Variants in PCLO observed in about 807,000 individuals in gnomAD.
The protein encoded by PCLO is piccolo presynaptic cytomatrix protein, also known as protein piccolo.
In PCLO, 82 loss-of-function variants were observed where a neutral mutation model predicts 427.5. The ratio of observed to expected loss-of-function variants is 0.19; its 90% CI spans 0.16 to 0.23. PCLO has a LOEUF of 0.23. Among genes scored for constraint, PCLO ranks in the 10% least tolerant of loss-of-function variants. The probability of loss-of-function intolerance (pLI) is 1.00; values close to 1 mark genes in which losing one functional copy is unlikely to be tolerated. For missense variants in PCLO, 6,239 were observed against 6,115.9 expected (o/e 1.02, Z -0.67); for synonymous variants, 2,357 against 2,155.4 (o/e 1.09, Z -2.59).
intron 19 of PCLO, among the ~76,000 whole-genome samples, chr7:82,823,530 T>C (rs1011492778): frequency 2.0e-5 from 3 of 152,212 alleles, no homozygotes; most frequent in Non-Finnish European, 2.9e-5. Context: ...GCTCAGTTTA[T>C]GATGAGGATT....
chr7:82,760,410 T>A (rs990871042), intron 24 of PCLO, among the ~76,000 whole-genome samples: 1 of 151,964 alleles, frequency 6.6e-6, no homozygotes, highest in East Asian at 1.9e-4. Context: ...AAGAAGAATC[T>A]ATGTAAAATA....
intron 6 of PCLO, among the ~76,000 whole-genome samples, chr7:82,928,815 T>C (rs759101129): frequency 4.6e-5 from 7 of 152,186 alleles, no homozygotes; most frequent in African/African-American, 1.4e-4. Context: ...TACAGTGGTA[T>C]GGATACACAT....
intron 8 of PCLO, among the ~76,000 whole-genome samples, chr7:82,905,937 G>A (rs1404371361): frequency 6.6e-6 from 1 of 151,772 alleles, no homozygotes; most frequent in Non-Finnish European, 1.5e-5. Context: ...TAAAAAATAA[G>A]AGATTAGGTT....
chr7:82,848,665 G>T (rs1397645389), intron 10 of PCLO, among the ~76,000 whole-genome samples: 1 of 152,128 alleles, frequency 6.6e-6, no homozygotes, highest in East Asian at 1.9e-4. Context: ...ATTACCTATT[G>T]ATCATCATTG....
intron 10 of PCLO, among the ~76,000 whole-genome samples, chr7:82,865,582 T>TA: frequency 6.6e-6 from 1 of 151,692 alleles, no homozygotes; most frequent in Middle Eastern, 3.4e-3. Flanking sequence ...TGTGTTAATT[T>TA]AAAATAAGAT....
At chr7:82,990,544 A>C (rs1272766350) in intron 3 of PCLO, among the ~76,000 whole-genome samples, 1 of 152,144 alleles carries the variant, frequency 6.6e-6, no homozygotes, top group Non-Finnish European at 1.5e-5. Context: ...ATAGAACTTG[A>C]GTTTGGTTAC....
intron 20 of PCLO, among the ~76,000 whole-genome samples, chr7:82,815,187 G>T (rs1191089540): frequency 6.6e-6 from 1 of 151,660 alleles, no homozygotes; most frequent in Non-Finnish European, 1.5e-5. Flanking sequence ...GTCTATTTTT[G>T]GTTAAAAACG....
intron 3 of PCLO, among the ~76,000 whole-genome samples, chr7:83,005,181 T>C (rs1434177391): frequency 2.0e-5 from 3 of 151,620 alleles, no homozygotes; most frequent in African/African-American, 7.2e-5. Flanking sequence ...ATAAAATTAA[T>C]ATGTCAAAGA....
intron 10 of PCLO, among the ~76,000 whole-genome samples, chr7:82,857,982 A>T (rs1271005619): frequency 6.6e-6 from 1 of 152,182 alleles, no homozygotes; most frequent in African/African-American, 2.4e-5. Flanking sequence ...TAAGGCCAGT[A>T]TTACCCTGAT....
At position 82,950,766 on chromosome 7, in the gene PCLO, CTCT is replaced by C. The variant is rs1326039085; in HGVS notation, c.9819_9821del (p.Glu3274del). 12 of 1,613,724 alleles carry C rather than the reference CTCT, an allele frequency of 7.4e-6. No individual in the cohort carries two copies. The highest frequency in any genetic ancestry group is 2.2e-5 in the East Asian group (1 of 44,846). On this transcript the variant is annotated inframe_deletion, in exon 6 of 25. Coordinates refer to ENST00000333891, the MANE Select transcript of PCLO (RefSeq NM_033026.6). ...GCCTCATCATGAACTGGGCTTGCCG[CTCT>C]TCTTCTTGCTGAAAGAGAAGGTGTT...
intron 3 of PCLO, among the ~76,000 whole-genome samples, chr7:83,020,513 C>T (rs990156674): frequency 6.6e-6 from 1 of 152,136 alleles, no homozygotes; most frequent in Non-Finnish European, 1.5e-5. Context: ...TACTCTCCCA[C>T]TTTCTGCCAT....
intron 22 of PCLO, among the ~76,000 whole-genome samples, chr7:82,796,649 T>A (rs977736182): frequency 6.6e-6 from 1 of 151,736 alleles, no homozygotes; most frequent in South Asian, 2.1e-4. Flanking sequence ...ATATTTTTAT[T>A]GTAATTAGTC....
chr7:82,798,529 G>C (rs1791275959), intron 22 of PCLO, among the ~76,000 whole-genome samples: 1 of 152,016 alleles, frequency 6.6e-6, no homozygotes, highest in South Asian at 2.1e-4. Context: ...ATTTCTACGT[G>C]GACAAAACAA....
chr7:82,764,881 A>G (rs1428695744), intron 22 of PCLO, among the ~76,000 whole-genome samples: 4 of 151,936 alleles, frequency 2.6e-5, no homozygotes, highest in African/African-American at 9.7e-5. Context: ...AAGTGAACTA[A>G]AAAACTAGAT....
chr7:82,836,510 T>C (rs1792236998), intron 15 of PCLO, among the ~76,000 whole-genome samples: 1 of 152,284 alleles, frequency 6.6e-6, no homozygotes, highest in Admixed American at 6.5e-5. Context: ...TATGTGACTA[T>C]TGGTAATCTC....
rs1185370137 is a variant in PCLO at position 82,757,091 on chromosome 7, T to TA, written c.*1483dup. The TA allele has an allele frequency of 6.6e-6, 1 of 152,062 alleles. No individual in the cohort carries two copies. The highest frequency in any genetic ancestry group is 2.4e-5 in the African/African-American group (1 of 41,436). 9.4% of individuals were successfully genotyped at this position (152,062 alleles called of 1,614,324 possible). A position where few individuals can be genotyped will look rare whatever the true frequency, so the allele number is the denominator to read the frequency against. ...AACATCTCATTTGGAAGGTTAAGAA[T>TA]ATATAATTGTTTTTATCCTATAGAT... is the stretch of plus-strand genomic sequence containing the variant. On this transcript the variant is annotated 3_prime_UTR_variant, in exon 25 of 25. Coordinates refer to ENST00000333891, the MANE Select transcript of PCLO (RefSeq NM_033026.6).
rs1013056147 is a variant in PCLO, at chr7:83,077,197, A to G, written c.3300+57053T>C. ...AGAAGTGGTATTTGCTACCTCATGA[A>G]AGAGTCCTGCTACCTTTTAATAATT... On this transcript the variant is annotated intron_variant, in intron 3 of 24. Transcript: ENST00000333891. 3.3e-5 allele frequency among the ~76,000 whole-genome samples: 5 copies of G among 152,218 alleles called. No individual in the cohort carries two copies. The East Asian group carries it at 9.7e-4, about 29-fold the overall frequency.
chr7:82,906,856 T>C, intron 8 of PCLO, among the ~76,000 whole-genome samples: 1 of 152,156 alleles, frequency 6.6e-6, no homozygotes, highest in Middle Eastern at 3.4e-3. Flanking sequence ...AAATTACTTT[T>C]AGCAAGAATA....
intron 3 of PCLO, among the ~76,000 whole-genome samples, chr7:82,980,991 C>T (rs1796135226): frequency 6.6e-6 from 1 of 151,922 alleles, no homozygotes; most frequent in Non-Finnish European, 1.5e-5. Context: ...GCTCAATAGC[C>T]AAAGCTAGTA....
Sources: gnomAD v4.1 joint callset for allele counts (sites outside exome capture counted in the v4.1 genomes callset) on GRCh38, gnomAD v4.1.1 for gene constraint, MANE v1.5 for transcripts, NCBI Gene and HGNC (gene_info 2026-07-23, HGNC 2026-07-21) for gene names.